The following LHFPL2 variants were observed in gnomAD, a reference collection of about 807,000 sequenced individuals.
LHFPL2 encodes LHFPL tetraspan subfamily member 2, also known as LHFPL tetraspan subfamily member 2 protein.
In LHFPL2, 7 loss-of-function variants were observed where a neutral mutation model predicts 17.5. The observed-to-expected ratio is 0.40, with a 90% CI of 0.23 to 0.75. LHFPL2 has a LOEUF of 0.75. Among genes scored for constraint, LHFPL2 ranks in the 30% least tolerant of loss-of-function variants. LHFPL2 has a pLI of 0.37. For missense variants in LHFPL2, 241 were observed against 294.8 expected, an observed-to-expected ratio of 0.82 and a Z score of 1.34; for synonymous variants, 134 against 116.2, an observed-to-expected ratio of 1.15 and a Z score of -0.99.
intron 2 of LHFPL2, among the ~76,000 whole-genome samples, chr5:78,606,943 CT>C (rs1377628509): frequency 1.3e-5 from 2 of 151,688 alleles, no homozygotes; most frequent in Non-Finnish European, 2.9e-5. Flanking sequence ...TCCCAAAGTA[CT>C]AGGATTACAG....
At chr5:78,526,991 A>C (rs1199048724) in intron 3 of LHFPL2, among the ~76,000 whole-genome samples, 1 of 152,244 alleles carries the variant, frequency 6.6e-6, no homozygotes, top group Non-Finnish European at 1.5e-5. Flanking sequence ...AATTTGAATA[A>C]CAGGCAACAA....
At chr5:78,565,320 T>C (rs1448894152) in intron 2 of LHFPL2, among the ~76,000 whole-genome samples, 1 of 152,246 alleles carries the variant, frequency 6.6e-6, no homozygotes, top group African/African-American at 2.4e-5. Context: ...CTGGTTAATG[T>C]TCTAAAGCTA....
At chr5:78,535,181 G>A (rs1282434189) in intron 3 of LHFPL2, among the ~76,000 whole-genome samples, 1 of 152,174 alleles carries the variant, frequency 6.6e-6, no homozygotes, top group Non-Finnish European at 1.5e-5. Context: ...AGACATCAAG[G>A]AGTGGTGTCG....
intron 3 of LHFPL2, among the ~76,000 whole-genome samples, 194 bp from the exon 4 acceptor site, chr5:78,510,592 C>T (rs1481488222): frequency 6.6e-6 from 1 of 152,262 alleles, no homozygotes; most frequent in Non-Finnish European, 1.5e-5. Flanking sequence ...GCACTTAGAA[C>T]TCTATGTGGC....
intron 2 of LHFPL2, among the ~76,000 whole-genome samples, chr5:78,631,781 C>T (rs1336785867): frequency 6.6e-6 from 1 of 151,920 alleles, no homozygotes; most frequent in East Asian, 1.9e-4. Flanking sequence ...ACTAAAGATA[C>T]AAAAATTAGC....
intron 3 of LHFPL2, among the ~76,000 whole-genome samples, chr5:78,511,100 GA>G (rs1580759847): frequency 4.1e-5 from 4 of 97,734 alleles, no homozygotes; most frequent in African/African-American, 1.1e-4. Flanking sequence ...TTAAAACTCA[GA>G]GGGGAAAAAA....
chr5:78,552,368 C>T (rs1199843321), intron 3 of LHFPL2, among the ~76,000 whole-genome samples: 1 of 152,132 alleles, frequency 6.6e-6, no homozygotes, highest in Non-Finnish European at 1.5e-5. Flanking sequence ...CTCCTGACCT[C>T]GTGATCCACC....
chr5:78,641,630 T>C (rs341930), intron 1 of LHFPL2, among the ~76,000 whole-genome samples: 87,080 of 151,966 alleles, frequency 0.57, 25,130 homozygotes, highest in South Asian at 0.62. Flanking sequence ...ACTTAATCAT[T>C]ATAACATGTT....
At chr5:78,629,617 T>C (rs1314994947) in intron 2 of LHFPL2, among the ~76,000 whole-genome samples, 1 of 152,236 alleles carries the variant, frequency 6.6e-6, no homozygotes, top group African/African-American at 2.4e-5. Context: ...TGAGGGAGGA[T>C]GTGCCATGTA....
In LHFPL2 at chr5:78,648,328, G is replaced by A. The variant is rs1487031169; in HGVS notation, c.-350+171C>T. 6.6e-6 allele frequency among the ~76,000 whole-genome samples: 1 copy of A among 152,010 alleles called. No homozygotes were observed. ...ATCCCGCAGCACCTCCGACCGCTCG[G>A]CGCGGTCTCCCAGGGCGCCGAAGCG... is the stretch of plus-strand genomic sequence containing the variant. On this transcript the variant is annotated intron_variant, in intron 1 of 4. Coordinates refer to ENST00000380345, the MANE Select transcript of LHFPL2 (RefSeq NM_005779.3). The surrounding 1 kb of genome is among the most constrained non-coding windows in gnomAD (Gnocchi z 5.4).
At chr5:78,497,213 CT>C (rs1286584859) in intron 4 of LHFPL2, among the ~76,000 whole-genome samples, 1 of 152,336 alleles carries the variant, frequency 6.6e-6, no homozygotes, top group Admixed American at 6.5e-5. Context: ...GGCCTTCATT[CT>C]AGCTGTTCCC....
In LHFPL2 at chr5:78,550,729, C is replaced by A. The variant is rs115209262; in HGVS notation, c.-186+14084G>T. On this transcript the variant is annotated intron_variant, in intron 3 of 4. Transcript: ENST00000380345. ...GGGATTACAGGTTCCCACCACCAGG[C>A]TCGGCTAATTTTTGTATTTTTGGTA... Among the ~76,000 whole-genome samples the A allele has an allele frequency of 6.2e-3, 939 of 152,186 alleles. 7 individuals are homozygous for A. Among genetic ancestry groups the A allele is most frequent in the African/African-American group, 0.021 (884 of 41,512 alleles).
At chr5:78,537,121 C>T (rs1253830412) in intron 3 of LHFPL2, among the ~76,000 whole-genome samples, 5 of 152,156 alleles carry the variant, frequency 3.3e-5, no homozygotes, top group African/African-American at 4.8e-5. Context: ...GTTTAAGAAG[C>T]GCTGCTCTAC....
chr5:78,592,303 C>G (rs1201781017), intron 2 of LHFPL2, among the ~76,000 whole-genome samples: 1 of 152,186 alleles, frequency 6.6e-6, no homozygotes, highest in Non-Finnish European at 1.5e-5. Context: ...ATGGATGCCT[C>G]AGATTTCAGA....
chr5:78,611,021 G>C (rs1178803572), intron 2 of LHFPL2, among the ~76,000 whole-genome samples: 2 of 152,060 alleles, frequency 1.3e-5, no homozygotes, highest in African/African-American at 4.8e-5. Context: ...TCACTGCTTT[G>C]TTACTGAGAA....
intron 1 of LHFPL2, among the ~76,000 whole-genome samples, chr5:78,637,121 A>C (rs1347320616): frequency 6.6e-6 from 1 of 152,024 alleles, no homozygotes; most frequent in Non-Finnish European, 1.5e-5. Flanking sequence ...CCCAGGACCC[A>C]CTCCAGACCT....
rs1755054406 is a variant in LHFPL2, at chr5:78,509,953, C to T, written c.261G>A (p.Glu87=). 1 of 1,613,788 alleles carries T rather than the reference C, an allele frequency of 6.2e-7. No homozygotes were observed. Among genetic ancestry groups the T allele is most frequent in the Admixed American group, 1.7e-5 (1 of 60,018 alleles). The change falls in exon 4 of 5, where the codon GAG becomes GAA. Residue 87 remains glutamate, a synonymous_variant. Transcript: ENST00000380345. ...QRDTLCGPYA[E]SFGEIASGFW... ...AGCCGCTGGCGATCTCGCCGAAGCT[C>T]TCGGCGTAGGGCCCGCACAGCGTGT... is the stretch of plus-strand genomic sequence containing the variant.
intron 3 of LHFPL2, among the ~76,000 whole-genome samples, chr5:78,544,678 A>C (rs1756215560): frequency 6.6e-6 from 1 of 152,046 alleles, no homozygotes; most frequent in Non-Finnish European, 1.5e-5. Context: ...ACTCATCAGC[A>C]AGGTCAGGCC....
chr5:78,527,229 C>A (rs1271958449), intron 3 of LHFPL2, among the ~76,000 whole-genome samples: 1 of 152,118 alleles, frequency 6.6e-6, no homozygotes, highest in Non-Finnish European at 1.5e-5. Context: ...GGAAGATTAA[C>A]ATGGGGCCAA....
Sources: gnomAD v4.1 joint callset for allele counts (sites outside exome capture counted in the v4.1 genomes callset) on GRCh38, gnomAD v4.1.1 for gene constraint, Gnocchi (gnomAD v3.1) non-coding constraint, MANE v1.5 for transcripts, NCBI Gene and HGNC (gene_info 2026-07-23, HGNC 2026-07-21) for gene names.